Variants in KIAA1217 observed in about 807,000 individuals in gnomAD.
KIAA1217 encodes the protein KIAA1217, also known as sickle tail protein homolog.
Under a neutral mutation model 163.9 loss-of-function variants are expected in KIAA1217, and 88 were observed. The ratio of observed to expected loss-of-function variants is 0.54; its 90% CI spans 0.45 to 0.64. KIAA1217 has a LOEUF of 0.64. Among genes scored for constraint, KIAA1217 ranks in the 30% least tolerant of loss-of-function variants. The pLI, the probability that KIAA1217 is intolerant of heterozygous loss-of-function variation, is 0.00. For missense variants in KIAA1217, 2,372 were observed against 2,475.0 expected (o/e 0.96, Z 0.88); for synonymous variants, 903 against 923.1 (o/e 0.98, Z 0.39).
At chr10:23,930,355 A>G (rs2131310144) in intron 1 of KIAA1217, among the ~76,000 whole-genome samples, 1 of 152,288 alleles carries the variant, frequency 6.6e-6, no homozygotes, top group South Asian at 2.1e-4. Context: ...ATCTGTTTCT[A>G]TGTCATCTTA....
rs865784279 is a variant in KIAA1217, at chr10:24,147,708, C to G, written c.-170-71918C>G. On this transcript the variant is annotated intron_variant, in intron 2 of 18. Transcript: ENST00000376462. ...ATTAGCCAGGTGTGGTGGCACGTGCCTGTAATCCCAACTACTCAGGAGGCT... is the reference window on the plus strand; with the variant it reads ...ATTAGCCAGGTGTGGTGGCACGTGCGTGTAATCCCAACTACTCAGGAGGCT... 4.6e-5 allele frequency among the ~76,000 whole-genome samples: 7 copies of G among 151,688 alleles called. No individual in the cohort carries two copies. The South Asian group carries it at 8.3e-4, about 18-fold the overall frequency.
intron 1 of KIAA1217, among the ~76,000 whole-genome samples, chr10:23,738,611 GAA>G (rs1838936879): frequency 2.1e-5 from 3 of 144,476 alleles, no homozygotes; most frequent in Non-Finnish European, 4.5e-5. Context: ...GATATCTTTA[GAA>G]ATGTTTTTTT....
intron 2 of KIAA1217, among the ~76,000 whole-genome samples, chr10:24,296,255 C>G (rs998982819): frequency 6.6e-6 from 1 of 152,194 alleles, no homozygotes; most frequent in African/African-American, 2.4e-5. Context: ...AGGTGCACAT[C>G]ATCAAACCCA....
chr10:24,400,962 T>TACAC (rs375697958), intron 3 of KIAA1217, among the ~76,000 whole-genome samples: 3,658 of 117,126 alleles, frequency 0.031, 113 homozygotes, highest in African/African-American at 0.065. Context: ...GCAAGAAACA[T>TACAC]ACACACACAC....
intron 2 of KIAA1217, among the ~76,000 whole-genome samples, chr10:24,321,092 A>G (rs981244431): frequency 2.0e-5 from 3 of 152,032 alleles, no homozygotes; most frequent in Non-Finnish European, 2.9e-5. Context: ...GACAGCTGCC[A>G]TGGAAAACAG....
chr10:24,543,490 AG>A lies in KIAA1217; in HGVS notation c.4223del (p.Gly1408GlufsTer15). 6.2e-7 allele frequency: 1 copy of A among 1,614,162 alleles called. No homozygotes were observed. The highest frequency in any genetic ancestry group is 8.5e-7 in the Non-Finnish European group (1 of 1,180,028). ...GAGGTGCATGATATTGTTAGCCAAA[AG>A]GGAGAAGACATACAGACGGTTAATA... Reference protein sequence around the residue: ...SGEVHDIVSQKGEDIQTVNID... With the variant: ...SGEVHDIVSQXGEDIQTVNID... On this transcript the variant is annotated frameshift_variant, in exon 19 of 21. Coordinates refer to ENST00000376454, the MANE Select transcript of KIAA1217 (RefSeq NM_019590.5). LOFTEE classifies it high-confidence loss of function.
intron 2 of KIAA1217, among the ~76,000 whole-genome samples, chr10:24,073,032 C>A (rs779540603): frequency 2.0e-5 from 3 of 150,224 alleles, no homozygotes; most frequent in Non-Finnish European, 3.0e-5. Context: ...GCACTCCAGC[C>A]TGGGAAACAG....
intron 1 of KIAA1217, among the ~76,000 whole-genome samples, chr10:24,217,711 T>G (rs2069022731): frequency 6.6e-6 from 1 of 152,242 alleles, no homozygotes; most frequent in Non-Finnish European, 1.5e-5. Context: ...AAAACTAGTG[T>G]GAAGGATTGG....
rs144665694 is a variant in KIAA1217 at position 23,944,416 on chromosome 10, C to A, written c.-320-62809C>A. On this transcript the variant is annotated intron_variant, in intron 1 of 18. Coordinates refer to the KIAA1217 transcript ENST00000376462. ...TCCAGCCTGGGCAAAAGAGTGAGAC[C>A]CTGTCTCAAAAAAAGAAGTGAATAA... 3.0e-4 allele frequency among the ~76,000 whole-genome samples: 46 copies of A among 151,386 alleles called. No homozygotes were observed. The East Asian group carries it at 8.7e-3, about 29-fold the overall frequency.
chr10:23,934,605 A>G (rs1213990164), intron 1 of KIAA1217, among the ~76,000 whole-genome samples: 21 of 74,350 alleles, frequency 2.8e-4, no homozygotes, highest in African/African-American at 1.6e-3. Context: ...ATATATATAT[A>G]TGTATATATA....
At chr10:24,359,206 C>T (rs1173604980) in intron 2 of KIAA1217, among the ~76,000 whole-genome samples, 1 of 151,650 alleles carries the variant, frequency 6.6e-6, no homozygotes, top group Non-Finnish European at 1.5e-5. Flanking sequence ...TCTCGTGCCT[C>T]AGCCTCCCAA....
chr10:24,043,234 C>A (rs1049020248), intron 2 of KIAA1217, among the ~76,000 whole-genome samples: 1 of 152,118 alleles, frequency 6.6e-6, no homozygotes, highest in African/African-American at 2.4e-5. Context: ...ATTTATAATA[C>A]TTACTTTAAT....
intron 1 of KIAA1217, among the ~76,000 whole-genome samples, chr10:23,726,534 A>G (rs1022915576): frequency 5.9e-5 from 9 of 152,008 alleles, no homozygotes. Flanking sequence ...AATGGCAACA[A>G]AAGCCAAAAT....
intron 2 of KIAA1217, among the ~76,000 whole-genome samples, chr10:24,293,337 C>A (rs1453609416): frequency 6.6e-6 from 1 of 152,210 alleles, no homozygotes; most frequent in Non-Finnish European, 1.5e-5. Context: ...TCCCAAAGTG[C>A]TGGGATTACA....
At chr10:23,966,671 G>C (rs1458021510) in intron 1 of KIAA1217, among the ~76,000 whole-genome samples, 1 of 152,172 alleles carries the variant, frequency 6.6e-6, no homozygotes, top group Non-Finnish European at 1.5e-5. Flanking sequence ...TTCCTCCCTA[G>C]ACCTTCTTTA....
intron 15 of KIAA1217, among the ~76,000 whole-genome samples, chr10:24,532,763 G>A (rs537686289): frequency 6.6e-5 from 10 of 152,258 alleles, no homozygotes; most frequent in Admixed American, 5.2e-4. Flanking sequence ...CCAATGACAC[G>A]TGGGAATTAC....
intron 1 of KIAA1217, among the ~76,000 whole-genome samples, chr10:23,916,431 T>A (rs1031736918): frequency 3.9e-5 from 6 of 152,198 alleles, no homozygotes; most frequent in South Asian, 2.1e-4. Flanking sequence ...AGGCAATGTG[T>A]CTCTTCCTTC....
chr10:24,229,584 C>G (rs2071080199), intron 2 of KIAA1217, among the ~76,000 whole-genome samples: 1 of 152,174 alleles, frequency 6.6e-6, no homozygotes, highest in African/African-American at 2.4e-5. Flanking sequence ...ATGGCACAAT[C>G]TCGGCTCACT....
intron 1 of KIAA1217, among the ~76,000 whole-genome samples, chr10:23,749,970 C>T (rs140235702): frequency 1.6e-4 from 25 of 152,014 alleles, no homozygotes; most frequent in East Asian, 3.9e-4. Flanking sequence ...TGTTTCTTTC[C>T]GTTTCCTTTC....
Sources: gnomAD v4.1 joint callset for allele counts (sites outside exome capture counted in the v4.1 genomes callset) on GRCh38, gnomAD v4.1.1 for gene constraint, MANE v1.5 for transcripts, NCBI Gene and HGNC (gene_info 2026-07-23, HGNC 2026-07-21) for gene names.